Variants in MDGA2 observed in about 807,000 individuals in gnomAD.
MDGA2 encodes MAM domain containing glycosylphosphatidylinositol anchor 2, also known as MAM domain-containing glycosylphosphatidylinositol anchor protein 2.
MDGA2 carries 40 observed loss-of-function variants against 117.8 expected under a neutral mutation model. That is an observed-to-expected ratio of 0.34 (90% CI 0.26 to 0.44). The LOEUF (loss-of-function observed/expected upper bound fraction) is 0.44. Ranked by LOEUF, MDGA2 falls within the 20% of genes least tolerant of loss-of-function variation. MDGA2 has a pLI of 1.00. For synonymous variants in MDGA2, 452 were observed against 439.0 expected, an observed-to-expected ratio of 1.03 and a Z score of -0.37; for missense variants, 1,123 against 1,250.6, an observed-to-expected ratio of 0.90 and a Z score of 1.54.
intron 1 of MDGA2, among the ~76,000 whole-genome samples, chr14:47,501,647 C>G (rs146668616): frequency 6.6e-6 from 1 of 152,052 alleles, no homozygotes; most frequent in Non-Finnish European, 1.5e-5. Flanking sequence ...GGGCCTTTAT[C>G]CAGTATGACT....
intron 1 of MDGA2, among the ~76,000 whole-genome samples, chr14:47,320,222 T>C (rs1889939618): frequency 6.6e-6 from 1 of 152,096 alleles, no homozygotes; most frequent in Non-Finnish European, 1.5e-5. Context: ...AAATACACTA[T>C]TAAACAATTT....
intron 1 of MDGA2, among the ~76,000 whole-genome samples, chr14:47,318,809 A>AGAAGGAAGGAAGGAAG (rs889892249): frequency 4.7e-4 from 43 of 91,748 alleles, no homozygotes; most frequent in Admixed American, 1.3e-3. Context: ...AAGGGAGGAA[A>AGAAGGAAGGAAGGAAG]GAAGGAAGGA....
At chr14:47,271,112 G>A (rs1465177740) in intron 2 of MDGA2, among the ~76,000 whole-genome samples, 1 of 152,122 alleles carries the variant, frequency 6.6e-6, no homozygotes, top group African/African-American at 2.4e-5. Context: ...TCAGAGAGAG[G>A]AACTTAAAAA....
intron 3 of MDGA2, among the ~76,000 whole-genome samples, chr14:47,182,388 T>A (rs1286498796): frequency 6.6e-6 from 1 of 151,990 alleles, no homozygotes; most frequent in Non-Finnish European, 1.5e-5. Flanking sequence ...GTAATTAAAG[T>A]TAAATAAGGT....
chr14:46,848,890 A>G (rs1350778130), intron 15 of MDGA2, among the ~76,000 whole-genome samples: 2 of 152,036 alleles, frequency 1.3e-5, no homozygotes, highest in African/African-American at 4.8e-5. Context: ...AGGGCTTCCT[A>G]TACTTAGAAC....
At chr14:47,063,022 G>T (rs1889948972) in intron 6 of MDGA2, among the ~76,000 whole-genome samples, 1 of 151,960 alleles carries the variant, frequency 6.6e-6, no homozygotes, top group Non-Finnish European at 1.5e-5. Context: ...TACAGGACAT[G>T]AACAAAATAG....
chr14:46,905,932 C>T lies in MDGA2; in HGVS notation c.2238+14080G>A, dbSNP rs572362804. The stretch of plus-strand genomic sequence containing the variant: ...TGGGCACTGAAAATATGCATAGCTG[C>T]ATAGATAAAATTGTTGAAAATTTAA... On this transcript the variant is annotated intron_variant, in intron 10 of 16. Coordinates refer to ENST00000399232, the MANE Select transcript of MDGA2 (RefSeq NM_001113498.3). 5.9e-5 allele frequency among the ~76,000 whole-genome samples: 9 copies of T among 151,988 alleles called. 1 individual carries two copies. Among genetic ancestry groups the T allele is most frequent in the African/African-American group, 1.9e-4 (8 of 41,476 alleles).
intron 10 of MDGA2, among the ~76,000 whole-genome samples, chr14:46,902,091 G>C (rs1883308787): frequency 6.6e-6 from 1 of 151,974 alleles, no homozygotes; most frequent in Non-Finnish European, 1.5e-5. Context: ...TTTTCCCCTT[G>C]TTTTACAAGA....
At chr14:46,984,464 A>G (rs1005714915) in intron 8 of MDGA2, among the ~76,000 whole-genome samples, 2 of 151,970 alleles carry the variant, frequency 1.3e-5, no homozygotes, top group African/African-American at 4.8e-5. Context: ...ACTATTTCCA[A>G]TTAGAAAATA....
chr14:47,302,574 TA>T (rs958297870), intron 1 of MDGA2, among the ~76,000 whole-genome samples: 2 of 152,124 alleles, frequency 1.3e-5, no homozygotes, highest in Non-Finnish European at 2.9e-5. Flanking sequence ...TGTGATTGCT[TA>T]AAAATTAACG....
chr14:46,872,056 T>C lies in MDGA2; in HGVS notation c.2752+1377A>G, dbSNP rs528836205. On this transcript the variant is annotated intron_variant, in intron 14 of 16. Coordinates refer to ENST00000399232, the MANE Select transcript of MDGA2 (RefSeq NM_001113498.3). ...AGGCTTGTCAGTATACTGTGAAGAA[T>C]ACTAGTTAATACTGTTGGGTATGAG... The C allele has an allele frequency of 1.1e-4, 18 of 157,966 alleles. No homozygotes were observed. The South Asian group carries it at 3.2e-3, about 28-fold the overall frequency. 9.8% of individuals were successfully genotyped at this position (157,966 alleles called of 1,614,324 possible).
At chr14:47,173,561 T>A (rs1183049115) in intron 3 of MDGA2, among the ~76,000 whole-genome samples, 1 of 151,850 alleles carries the variant, frequency 6.6e-6, no homozygotes, top group Admixed American at 6.6e-5. Context: ...GCTTCATAAG[T>A]GAAGGAGAAA....
intron 5 of MDGA2, among the ~76,000 whole-genome samples, chr14:47,117,013 T>C (rs972879592): frequency 2.0e-5 from 3 of 151,798 alleles, no homozygotes; most frequent in South Asian, 4.1e-4. Flanking sequence ...ATATATCCAA[T>C]TGAGATTTCA....
At chr14:47,231,689 G>A (rs934466151) in intron 2 of MDGA2, among the ~76,000 whole-genome samples, 5 of 150,998 alleles carry the variant, frequency 3.3e-5, no homozygotes, top group African/African-American at 1.2e-4. Context: ...TGGGTTTCTT[G>A]GAACTGAATG....
chr14:47,151,125 T>C (rs1347092034), intron 3 of MDGA2, among the ~76,000 whole-genome samples: 3 of 152,054 alleles, frequency 2.0e-5, no homozygotes, highest in Non-Finnish European at 4.4e-5. Context: ...TGTTGGAGAG[T>C]GCCCTCAGAA....
chr14:47,034,017 C>T (rs564576967), intron 8 of MDGA2, among the ~76,000 whole-genome samples: 4 of 152,150 alleles, frequency 2.6e-5, no homozygotes, highest in Non-Finnish European at 5.9e-5. Context: ...AAAATGACAT[C>T]GTTTATTGAA....
rs76302728 is a variant in MDGA2 at position 47,188,472 on chromosome 14, G to T, written c.595+29549C>A. ...CAATCACGTGAGTAAGCTTGAAAGT[G>T]AATCTGCCCCGAGTCAAACTTCTCC... On this transcript the variant is annotated intron_variant, in intron 3 of 16. Transcript: ENST00000399232. Among the ~76,000 whole-genome samples, 146 of 152,276 alleles carry T rather than the reference G, an allele frequency of 9.6e-4. 3 individuals carry two copies. In the East Asian group the frequency reaches 0.026, roughly 27 times the overall value.
At chr14:47,303,053 TGG>T (rs1212167213) in intron 1 of MDGA2, among the ~76,000 whole-genome samples, 1 of 152,120 alleles carries the variant, frequency 6.6e-6, no homozygotes, top group Non-Finnish European at 1.5e-5. Flanking sequence ...TCTAGAAAAG[TGG>T]TCTTGACATT....
At chr14:47,265,375 C>T (rs1887932453) in intron 2 of MDGA2, among the ~76,000 whole-genome samples, 1 of 152,038 alleles carries the variant, frequency 6.6e-6, no homozygotes, top group South Asian at 2.1e-4. Context: ...GAAGAGATGG[C>T]TCTAGCACAT....
Sources: allele counts gnomAD v4.1 joint callset (sites outside exome capture counted in the v4.1 genomes callset), GRCh38; gene constraint gnomAD v4.1.1; transcripts MANE v1.5; gene names NCBI Gene and HGNC (gene_info 2026-07-23, HGNC 2026-07-21).